NDUFA10: variants seen among roughly 807,000 people sequenced by gnomAD.
NDUFA10 encodes NADH dehydrogenase [ubiquinone] 1 alpha subcomplex subunit 10, mitochondrial.
Under a neutral mutation model 47.8 loss-of-function variants are expected in NDUFA10, and 40 were observed. That is an observed-to-expected ratio of 0.84 (90% CI 0.65 to 1.09). NDUFA10 has a LOEUF of 1.09. Ranked by LOEUF, NDUFA10 falls within the 50% of genes least tolerant of loss-of-function variation. The pLI, the probability that NDUFA10 is intolerant of heterozygous loss-of-function variation, is 0.00. For missense variants in NDUFA10, 413 were observed against 451.1 expected, an observed-to-expected ratio of 0.92 and a Z score of 0.76; for synonymous variants, 183 against 172.2, an observed-to-expected ratio of 1.06 and a Z score of -0.49.
chr2:239,899,160 TCATGGAGGG>T (rs1693480034), intron 4 of NDUFA10, among the ~76,000 whole-genome samples: 1 of 8,254 alleles, frequency 1.2e-4, no homozygotes, highest in Non-Finnish European at 2.9e-4. Context: ...TGGAGGGGAG[TCATGGAGGG>T]GTGTAAAGGA....
chr2:239,899,484 AGGTGTGATGGAGG>A (rs1231348130), intron 4 of NDUFA10, among the ~76,000 whole-genome samples: 4 of 104,878 alleles, frequency 3.8e-5, no homozygotes, highest in Admixed American at 9.2e-5. Context: ...TGTGATGGAG[AGGTGTGATGGAGG>A]GGTGTGATGG....
At chr2:239,997,621 CAAG>C (rs536266864) in intron 8 of NDUFA10, among the ~76,000 whole-genome samples, 43 of 152,228 alleles carry the variant, frequency 2.8e-4, no homozygotes, top group Non-Finnish European at 3.7e-4. Context: ...TGAAATTGAA[CAAG>C]AAGGGGTACT....
chr2:239,906,739 C>T lies in NDUFA10; in HGVS notation c.295-11425G>A, dbSNP rs1238094619. On this transcript the variant is annotated intron_variant, in intron 4 of 5. Coordinates refer to the NDUFA10 transcript ENST00000419408. This position sits in a 1 kb window ranked among gnomAD's most constrained non-coding sequence, Gnocchi z 4.3. ...CCTCTTCAAGGAGTACTACAAACCA[C>T]CGCTCAATGAAATAAAAGAGGACAC... 1.3e-5 allele frequency among the ~76,000 whole-genome samples: 2 copies of T among 152,108 alleles called. No individual in the cohort carries two copies. The highest frequency in any genetic ancestry group is 4.8e-5 in the African/African-American group (2 of 41,400).
rs151257256 is a variant in NDUFA10, at chr2:239,943,497, G to A, written c.294+46577C>T. Among the ~76,000 whole-genome samples the A allele has an allele frequency of 5.2e-4, 79 of 152,272 alleles. No homozygotes were observed. In the East Asian group the frequency reaches 0.014, roughly 27 times the overall value. On this transcript the variant is annotated intron_variant, in intron 4 of 5. Coordinates refer to the NDUFA10 transcript ENST00000419408. The stretch of plus-strand genomic sequence containing the variant: ...TTACAGGCGTGAGCCACTACACCTG[G>A]TCTTTGGCTACAAATTTTCAAAGTG...
At chr2:239,903,397 C>G (rs1455707142) in intron 4 of NDUFA10, among the ~76,000 whole-genome samples, 1 of 152,238 alleles carries the variant, frequency 6.6e-6, no homozygotes, top group East Asian at 1.9e-4. Flanking sequence ...TCAGCCCAGC[C>G]AACCTGCAGT....
intron 4 of NDUFA10, among the ~76,000 whole-genome samples, chr2:239,914,371 TAC>T (rs1451788459): frequency 2.4e-5 from 3 of 122,840 alleles, no homozygotes; most frequent in East Asian, 2.5e-4. Flanking sequence ...GAGATACACA[TAC>T]ACACACAAAA....
rs1356570997 is a variant in NDUFA10, at chr2:239,957,472, A to G, written c.*3646T>C. The G allele has an allele frequency of 6.6e-6, 1 of 152,252 alleles. No homozygotes were observed. Among genetic ancestry groups the G allele is most frequent in the Non-Finnish European group, 1.5e-5 (1 of 68,048 alleles). The allele number at this position is 152,252 out of a possible 1,614,324, so 9.4% of individuals were successfully genotyped here. On this transcript the variant is annotated 3_prime_UTR_variant, in exon 10 of 10. Transcript: ENST00000252711. ...TGGATCTAACTAACTAGGGAGCTTC[A>G]GAATTTTAATTTAAAGATAAAAAGT...
At position 240,011,614 on chromosome 2, in the gene NDUFA10, C is replaced by T. The variant is rs189252017; in HGVS notation, c.749+3G>A. On this transcript the variant is annotated splice_donor_region_variant and intron_variant, in intron 6 of 9. Transcript: ENST00000252711. ...CTGTAAATCAGTCGTGTGTTTGGCTCACCTCATCTCAGGGAGAAAGGTTTT... is the reference window on the plus strand; with the variant it reads ...CTGTAAATCAGTCGTGTGTTTGGCTTACCTCATCTCAGGGAGAAAGGTTTT... 4.0e-4 allele frequency: 650 copies of T among 1,607,556 alleles called. 11 individuals carry two copies. The South Asian group carries it at 6.1e-3, about 15-fold the overall frequency.
intron 4 of NDUFA10, among the ~76,000 whole-genome samples, chr2:239,937,033 C>T (rs1009425449): frequency 1.3e-5 from 2 of 152,192 alleles, no homozygotes; most frequent in Admixed American, 6.5e-5. Context: ...GCCCTCCCCT[C>T]GTGTGTCCAT....
At position 240,016,828 on chromosome 2, in the gene NDUFA10, G is replaced by C. The variant is rs188248378; in HGVS notation, c.547+1725C>G. On this transcript the variant is annotated intron_variant, in intron 4 of 9. Coordinates refer to ENST00000252711, the MANE Select transcript of NDUFA10 (RefSeq NM_004544.4). The surrounding 1 kb of genome is among the most constrained non-coding windows in gnomAD (Gnocchi z 4.4). ...CTTCAGCAGACACTCAGCAGATGCC[G>C]ACAGGTATCTCCTGCCACCTTGCCA... Among the ~76,000 whole-genome samples the C allele has an allele frequency of 6.6e-6, 1 of 152,076 alleles. No homozygotes were observed. The highest frequency in any genetic ancestry group is 1.9e-4 in the East Asian group (1 of 5,176).
At chr2:239,907,580 G>A (rs895252005) in intron 4 of NDUFA10, among the ~76,000 whole-genome samples, 1 of 152,172 alleles carries the variant, frequency 6.6e-6, no homozygotes, top group African/African-American at 2.4e-5. Context: ...ATCAAAAAGT[G>A]GGCGAAGGAT....
intron 9 of NDUFA10, among the ~76,000 whole-genome samples, chr2:239,982,559 C>T (rs1695819461): frequency 6.6e-6 from 1 of 152,294 alleles, no homozygotes; most frequent in African/African-American, 2.4e-5. Context: ...GCATGTTCTC[C>T]ATCTGTTCTG....
intron 4 of NDUFA10, among the ~76,000 whole-genome samples, chr2:240,017,652 C>T (rs1308669898): frequency 6.6e-6 from 1 of 152,224 alleles, no homozygotes; most frequent in Non-Finnish European, 1.5e-5. Flanking sequence ...GAAACACTTG[C>T]TGGTGACCTG....
Position 239,990,094 on chromosome 2 carries a change from C to G in NDUFA10, c.979G>C (p.Val327Leu). 1 of 1,611,774 alleles carries G rather than the reference C, an allele frequency of 6.2e-7. No homozygotes were observed. The highest frequency in any genetic ancestry group is 8.5e-7 in the Non-Finnish European group (1 of 1,177,904). Residue 327 changes from valine (V) to leucine (L), a missense_variant, in exon 9 of 10, where the codon GTC becomes CTC. Coordinates refer to ENST00000252711, the MANE Select transcript of NDUFA10 (RefSeq NM_004544.4). ...VTIGAHQTDR[V>L]LHQFRELPGR... is the part of the protein sequence containing the mutation. The stretch of plus-strand genomic sequence containing the variant: ...CTTACCTCTCTGAACTGATGTAAGA[C>G]ACGGTCAGTCTGATGAGCTCCAATG...
chr2:239,920,880 G>A (rs940240535), intron 4 of NDUFA10, among the ~76,000 whole-genome samples: 3 of 152,172 alleles, frequency 2.0e-5, no homozygotes, highest in Non-Finnish European at 4.4e-5. Context: ...GTCATTGGCT[G>A]CCCCCTTTAA....
chr2:240,022,048 C>G, intron 2 of NDUFA10, 124 bp downstream of exon 2: 1 of 760,708 alleles, frequency 1.3e-6, no homozygotes, highest in Non-Finnish European at 1.8e-6. Context: ...ATGTGAAATA[C>G]CCACCTTAGG....
In NDUFA10 at chr2:240,014,751, C is replaced by G. The variant is rs1217647666; in HGVS notation, c.657G>C (p.Gln219His). ...AAAACTGCATTACATCTCCTTTCTT[C>G]TGAATCCGCCTCTGGACCTCTGGAA... ...VPVPEVQRRI[Q>H]KKGDPHEMKI... Residue 219 changes from glutamine (Q) to histidine (H), a missense_variant, in exon 5 of 10, where the codon CAG becomes CAC. Physicochemically the swap from Gln to His is conservative, Grantham distance 24. Coordinates refer to ENST00000252711, the MANE Select transcript of NDUFA10 (RefSeq NM_004544.4). 1 of 1,614,250 alleles carries G rather than the reference C, an allele frequency of 6.2e-7. No individual in the cohort carries two copies. The highest frequency in any genetic ancestry group is 1.7e-5 in the Admixed American group (1 of 60,030).
At chr2:240,003,825 C>T (rs2106467871) in intron 8 of NDUFA10, among the ~76,000 whole-genome samples, 1 of 152,146 alleles carries the variant, frequency 6.6e-6, no homozygotes, top group Non-Finnish European at 1.5e-5. Flanking sequence ...GATGAGATTC[C>T]CGGGTGGCCA....
downstream of NDUFA10, among the ~76,000 whole-genome samples, chr2:239,954,479 A>G (rs191946639): frequency 1.1e-4 from 17 of 152,350 alleles, 1 homozygote; most frequent in Admixed American, 7.8e-4. Context: ...AAGTCCCCTC[A>G]GAGACCCCAG....
Sources: gnomAD v4.1 joint callset for allele counts (sites outside exome capture counted in the v4.1 genomes callset) on GRCh38, gnomAD v4.1.1 for gene constraint, Gnocchi (gnomAD v3.1) non-coding constraint, MANE v1.5 for transcripts, NCBI Gene and HGNC (gene_info 2026-07-23, HGNC 2026-07-21) for gene names.